Variants in OSMR observed in about 807,000 individuals in gnomAD.
OSMR encodes the protein oncostatin M receptor, also known as oncostatin-M-specific receptor subunit beta.
A neutral mutation model predicts 99.9 loss-of-function variants in OSMR; 81 were observed. That is an observed-to-expected ratio of 0.81 (90% CI 0.68 to 0.97). OSMR has a LOEUF of 0.97. Ranked by LOEUF, OSMR falls within the 50% of genes least tolerant of loss-of-function variation. The pLI, the probability that OSMR is intolerant of heterozygous loss-of-function variation, is 0.00. For missense variants in OSMR, 1,099 were observed against 1,153.4 expected (o/e 0.95, Z 0.68); for synonymous variants, 406 against 410.4 (o/e 0.99, Z 0.13).
intron 9 of OSMR, among the ~76,000 whole-genome samples, chr5:38,908,772 C>T (rs1380726526): frequency 6.6e-6 from 1 of 152,148 alleles, no homozygotes. Flanking sequence ...AACAAAAACC[C>T]ATCCAAAGGA....
At chr5:38,873,599 C>T (rs527280826) in intron 2 of OSMR, among the ~76,000 whole-genome samples, 5 of 152,172 alleles carry the variant, frequency 3.3e-5, no homozygotes, top group Admixed American at 6.5e-5. Context: ...ACATTCCTAC[C>T]GGCAGTGTAC....
rs1302039320 is a variant in OSMR, at chr5:38,886,079, T to A, written c.880T>A (p.Cys294Ser). 1.2e-6 allele frequency: 2 copies of A among 1,613,538 alleles called. No individual in the cohort carries two copies. Among genetic ancestry groups the A allele is most frequent in the Non-Finnish European group, 1.7e-6 (2 of 1,179,886 alleles). ...GAAACTTTGTACACACAAAAACTGG[T>A]GTAATTGGCAAATAACTCAAGACTC... ...EKKLCTHKNW[C>S]NWQITQDSQE... Residue 294 changes from cysteine (C) to serine (S), a missense_variant, in exon 7 of 18, where the codon TGT becomes AGT. Cys to Ser is a moderately radical substitution (Grantham distance 112). Coordinates refer to ENST00000274276, the MANE Select transcript of OSMR (RefSeq NM_003999.3).
chr5:38,908,008 G>A (rs1425541595), intron 9 of OSMR, among the ~76,000 whole-genome samples: 2 of 151,778 alleles, frequency 1.3e-5, no homozygotes, highest in East Asian at 3.9e-4. Flanking sequence ...TGCTGACACT[G>A]CCACCAGCGT....
chr5:38,944,374 G>T, intron 2 of OSMR: 2 of 1,450,774 alleles, frequency 1.4e-6, no homozygotes, highest in Non-Finnish European at 1.9e-6. Flanking sequence ...AACTTTTGAA[G>T]TATTTCAAGT....
At chr5:38,919,348 TAACA>T (rs1371007062) in intron 11 of OSMR, 67 of 1,377,852 alleles carry the variant, frequency 4.9e-5, no homozygotes, top group Non-Finnish European at 6.3e-5. Context: ...ACTGCAACCC[TAACA>T]AACAGTCACC....
At chr5:38,928,178 C>A (rs995049930) in intron 15 of OSMR, among the ~76,000 whole-genome samples, 1 of 151,408 alleles carries the variant, frequency 6.6e-6, no homozygotes, top group African/African-American at 2.5e-5. Flanking sequence ...CCCTCCAAGT[C>A]TCTAAGAAGT....
At chr5:38,906,678 G>A (rs1166751074) in intron 9 of OSMR, among the ~76,000 whole-genome samples, 2 of 152,026 alleles carry the variant, frequency 1.3e-5, no homozygotes, top group Admixed American at 6.6e-5. Context: ...AAAATATATG[G>A]CCACCTTTAA....
At chr5:38,862,517 C>T (rs1404290779) in intron 1 of OSMR, among the ~76,000 whole-genome samples, 78 of 151,046 alleles carry the variant, frequency 5.2e-4, no homozygotes, top group African/African-American at 1.8e-3. Flanking sequence ...CTCCTCACTT[C>T]TCAGACGGGG....
intron 11 of OSMR, among the ~76,000 whole-genome samples, chr5:38,920,265 A>G (rs1183040758): frequency 6.6e-6 from 1 of 152,198 alleles, no homozygotes; most frequent in African/African-American, 2.4e-5. Flanking sequence ...CATCACCAGC[A>G]TGTATAAAGT....
rs759408115 is a variant in OSMR, at chr5:38,884,116, G to A, written c.703+5G>A. 1 of 1,606,648 alleles carries A rather than the reference G, an allele frequency of 6.2e-7. No homozygotes were observed. Among genetic ancestry groups the A allele is most frequent in the Non-Finnish European group, 8.5e-7 (1 of 1,173,122 alleles). ...GCATCGTTCTTTTTGTCTCAAGTAA[G>A]TGTGCAAATTCTCTGTGGCCCTTTC... On this transcript the variant is annotated splice_donor_5th_base_variant and intron_variant, in intron 5 of 17. Coordinates refer to ENST00000274276, the MANE Select transcript of OSMR (RefSeq NM_003999.3).
At chr5:38,872,223 C>T (rs961127616) in intron 2 of OSMR, among the ~76,000 whole-genome samples, 4 of 152,150 alleles carry the variant, frequency 2.6e-5, no homozygotes, top group East Asian at 1.9e-4. Context: ...TGCTTTTAAC[C>T]AGATTATTTT....
rs142014556 is a variant in OSMR at position 38,933,353 on chromosome 5, C to A, written c.2849C>A (p.Ala950Glu). 6,584 of 1,614,122 alleles carry A rather than the reference C, an allele frequency of 4.1e-3. 20 individuals carry two copies. The highest frequency in any genetic ancestry group is 4.7e-3 in the Non-Finnish European group (5,548 of 1,179,972). Residue 950 changes from alanine to glutamate, a missense_variant, in exon 18 of 18, where the codon GCA becomes GAA. Transcript: ENST00000274276. ...PHCSEYKMQM[A>E]VSLRLALPPP... ...TGTTCAGAGTATAAAATGCAAATGG[C>A]AGTCTCCCTGCGTCTTGCCTTGCCT...
intron 11 of OSMR, among the ~76,000 whole-genome samples, chr5:38,920,523 G>A (rs1746180122): frequency 6.6e-6 from 1 of 152,182 alleles, no homozygotes; most frequent in Non-Finnish European, 1.5e-5. Flanking sequence ...ATGGAGGAAG[G>A]CAGGGAAGCC....
In OSMR at chr5:38,935,590, T is replaced by TGAA. The variant is rs1293392515; in HGVS notation, c.*2148_*2150dup. On this transcript the variant is annotated 3_prime_UTR_variant, in exon 18 of 18. Transcript: ENST00000274276. ...TTAAAAAATAATTCACGCAAAATCTTGAAGTCATTTTTGCTATTGAAATAA... is the reference window on the plus strand; with the variant it reads ...TTAAAAAATAATTCACGCAAAATCTTGAAGAAGTCATTTTTGCTATTGAAATAA... The TGAA allele has an allele frequency of 2.0e-5, 3 of 152,228 alleles. No individual in the cohort carries two copies. Among genetic ancestry groups the TGAA allele is most frequent in the African/African-American group, 7.2e-5 (3 of 41,468 alleles). The allele number at this position is 152,228 out of a possible 1,614,324, so 9.4% of individuals were successfully genotyped here.
chr5:38,899,898 T>C (rs1413499886), intron 7 of OSMR, among the ~76,000 whole-genome samples: 1 of 152,104 alleles, frequency 6.6e-6, no homozygotes, highest in African/African-American at 2.4e-5. Context: ...GCACAAACAC[T>C]CCCTTAGCCT....
At chr5:38,891,073 G>A (rs1744127578) in intron 7 of OSMR, among the ~76,000 whole-genome samples, 2 of 152,160 alleles carry the variant, frequency 1.3e-5, no homozygotes, top group Non-Finnish European at 2.9e-5. Context: ...ATTGGCCATC[G>A]CGTGGCCACT....
intron 1 of OSMR, among the ~76,000 whole-genome samples, chr5:38,857,694 G>A (rs1209671699): frequency 6.6e-6 from 1 of 151,940 alleles, no homozygotes; most frequent in Non-Finnish European, 1.5e-5. Context: ...TTGAGATGGA[G>A]TCTCGCTGTG....
At chr5:38,924,682 G>A in intron 14 of OSMR, 87 bp downstream of exon 14, 3 of 1,172,936 alleles carry the variant, frequency 2.6e-6, no homozygotes, top group Non-Finnish European at 3.8e-6. Context: ...ATCTCAGACT[G>A]TGGCCAGGCT....
chr5:38,868,102 G>A (rs1321753254), intron 1 of OSMR, among the ~76,000 whole-genome samples: 1 of 152,186 alleles, frequency 6.6e-6, no homozygotes, highest in African/African-American at 2.4e-5. Context: ...AGAGTTCGTG[G>A]TCCATATTTA....
Sources: allele counts gnomAD v4.1 joint callset (sites outside exome capture counted in the v4.1 genomes callset), GRCh38; gene constraint gnomAD v4.1.1; transcripts MANE v1.5; gene names NCBI Gene and HGNC (gene_info 2026-07-23, HGNC 2026-07-21).